Variants in MB21D2 observed in about 807,000 individuals in gnomAD.
MB21D2 encodes the protein Mab-21 domain containing 2.
MB21D2 carries 9 observed loss-of-function variants against 33.3 expected under a neutral mutation model. That is an observed-to-expected ratio of 0.27 (90% CI 0.16 to 0.47). The LOEUF is 0.47. MB21D2 is among the 20% of genes least tolerant of loss of function. MB21D2 has a pLI of 0.99. For missense variants in MB21D2, 540 were observed against 624.6 expected (o/e 0.86, Z 1.44); for synonymous variants, 241 against 236.3 (o/e 1.02, Z -0.18).
At chr3:192,858,106 C>T in intron 1 of MB21D2, among the ~76,000 whole-genome samples, 1 of 152,096 alleles carries the variant, frequency 6.6e-6, no homozygotes. Context: ...GCCTGGGCAA[C>T]AAGAGCAAAA....
intron 1 of MB21D2, among the ~76,000 whole-genome samples, chr3:192,883,176 T>G (rs963628270): frequency 2.6e-5 from 4 of 152,062 alleles, no homozygotes; most frequent in African/African-American, 4.8e-5. Context: ...CCTGACCAGT[T>G]TCATATCTAA....
intron 1 of MB21D2, among the ~76,000 whole-genome samples, chr3:192,843,705 T>C (rs1712621322): frequency 6.6e-6 from 1 of 152,202 alleles, no homozygotes; most frequent in Admixed American, 6.5e-5. Context: ...ATTCACTTTC[T>C]GGCTTTACCA....
At chr3:192,843,246 C>G (rs755362019) in intron 1 of MB21D2, among the ~76,000 whole-genome samples, 1 of 152,192 alleles carries the variant, frequency 6.6e-6, no homozygotes, top group Admixed American at 6.5e-5. Context: ...AAAGGATCCT[C>G]TGTCACTAAG....
intron 1 of MB21D2, among the ~76,000 whole-genome samples, chr3:192,816,801 C>G (rs1711936473): frequency 6.6e-6 from 1 of 152,028 alleles, no homozygotes; most frequent in Non-Finnish European, 1.5e-5. Context: ...GAATGTGGAC[C>G]TTAGCTTCAT....
chr3:192,849,421 G>A (rs558965355), intron 1 of MB21D2, among the ~76,000 whole-genome samples: 206 of 151,920 alleles, frequency 1.4e-3, no homozygotes, highest in African/African-American at 4.5e-3. Context: ...GGGTTCAAGC[G>A]ATTCTCCTGC....
Position 192,910,447 on chromosome 3 carries a change from C to G in MB21D2, c.211+7183G>C, listed in dbSNP as rs138452421. On this transcript the variant is annotated intron_variant, in intron 1 of 1. Transcript: ENST00000392452. ...GAGCCGTGATGGCATCATTGCACTC[C>G]AGCCTGGGCAACAGAGTGAGACCTG... Among the ~76,000 whole-genome samples the G allele has an allele frequency of 4.4e-3, 672 of 152,208 alleles. 4 individuals are homozygous for G. Among genetic ancestry groups the G allele is most frequent in the African/African-American group, 0.016 (647 of 41,526 alleles).
rs1213369019 is a variant in MB21D2 at position 192,898,171 on chromosome 3, C to CA, written c.211+19458dup. On this transcript the variant is annotated intron_variant, in intron 1 of 1. Coordinates refer to ENST00000392452, the MANE Select transcript of MB21D2 (RefSeq NM_178496.4). Reference sequence around the variant, plus strand: ...TAGCATTTTATAACTATTTATTTTTCAAAAAAAAAAACTGACAGCAAAAAT... The same window carrying CA: ...TAGCATTTTATAACTATTTATTTTTCAAAAAAAAAAAACTGACAGCAAAAAT... Among the ~76,000 whole-genome samples, 1,281 of 135,464 alleles carry CA rather than the reference C, an allele frequency of 9.5e-3. 7 individuals are homozygous for CA. The highest frequency in any genetic ancestry group is 0.013 in the Non-Finnish European group (820 of 62,396). 88.9% of individuals were successfully genotyped at this position (135,464 alleles called of 152,430 possible).
At chr3:192,861,834 A>T (rs1380301616) in intron 1 of MB21D2, among the ~76,000 whole-genome samples, 1 of 151,844 alleles carries the variant, frequency 6.6e-6, no homozygotes. Context: ...AAAAACATAG[A>T]CCCATTTCTA....
chr3:192,828,938 C>T (rs759455307), intron 1 of MB21D2, among the ~76,000 whole-genome samples: 15 of 151,466 alleles, frequency 9.9e-5, no homozygotes, highest in African/African-American at 1.5e-4. Context: ...CATAAGCCAA[C>T]GTGCCCGGCC....
At chr3:192,884,615 C>T (rs939080629) in intron 1 of MB21D2, among the ~76,000 whole-genome samples, 4 of 152,040 alleles carry the variant, frequency 2.6e-5, no homozygotes, top group Non-Finnish European at 2.9e-5. Flanking sequence ...GATCTGCCCG[C>T]CTTGGCCTCC....
Position 192,908,461 on chromosome 3 carries a change from C to T in MB21D2, c.211+9169G>A, listed in dbSNP as rs926735364. Among the ~76,000 whole-genome samples the T allele has an allele frequency of 8.6e-5, 13 of 150,362 alleles. No individual in the cohort carries two copies. The East Asian group carries it at 2.0e-3, about 23-fold the overall frequency. ...TCGCCCAGGCTGGAGTACAGTGACG[C>T]GATCTAGGCTCACTGCAAGCTCCGC... On this transcript the variant is annotated intron_variant, in intron 1 of 1. Transcript: ENST00000392452.
At chr3:192,890,780 G>C (rs573869958) in intron 1 of MB21D2, among the ~76,000 whole-genome samples, 1 of 151,968 alleles carries the variant, frequency 6.6e-6, no homozygotes. Flanking sequence ...ACGTCATAAC[G>C]ATCCTCCTCA....
intron 1 of MB21D2, among the ~76,000 whole-genome samples, chr3:192,843,621 T>C (rs2108626393): frequency 6.6e-6 from 1 of 152,262 alleles, no homozygotes; most frequent in East Asian, 1.9e-4. Context: ...AGTATGTACA[T>C]ATAAATAGCA....
chr3:192,846,345 C>G (rs1235066019), intron 1 of MB21D2, among the ~76,000 whole-genome samples: 1 of 152,094 alleles, frequency 6.6e-6, no homozygotes, highest in Non-Finnish European at 1.5e-5. Flanking sequence ...TACTATAGGC[C>G]AGGCTTGGAG....
chr3:192,846,177 C>A (rs1178541566), intron 1 of MB21D2, among the ~76,000 whole-genome samples: 1 of 152,130 alleles, frequency 6.6e-6, no homozygotes, highest in East Asian at 1.9e-4. Context: ...AGACTCTAAT[C>A]ACAGTCATTA....
At chr3:192,822,032 A>T (rs1159604098) in intron 1 of MB21D2, among the ~76,000 whole-genome samples, 1 of 152,186 alleles carries the variant, frequency 6.6e-6, no homozygotes, top group East Asian at 1.9e-4. Context: ...CATTATTTGA[A>T]ATATCTTTAC....
chr3:192,813,020 AAACAAGCTGATCAACGGGCT>A (rs1380320111), intron 1 of MB21D2, among the ~76,000 whole-genome samples: 1 of 152,156 alleles, frequency 6.6e-6, no homozygotes, highest in South Asian at 2.1e-4. Flanking sequence ...ATCTTTGGGG[AAACAAGCTGATCAACGGGCT>A]AAAATGTGAT....
chr3:192,856,422 T>C (rs146258039), intron 1 of MB21D2, among the ~76,000 whole-genome samples: 72 of 152,202 alleles, frequency 4.7e-4, no homozygotes, highest in African/African-American at 1.7e-3. Context: ...TAAGGAGAAA[T>C]AAGGAAACGG....
At chr3:192,877,533 C>G (rs1336675205) in intron 1 of MB21D2, among the ~76,000 whole-genome samples, 2 of 152,212 alleles carry the variant, frequency 1.3e-5, no homozygotes, top group Non-Finnish European at 2.9e-5. Flanking sequence ...AACTCATCCA[C>G]AATGGCCTCC....
Sources: gnomAD v4.1 joint callset for allele counts (sites outside exome capture counted in the v4.1 genomes callset) on GRCh38, gnomAD v4.1.1 for gene constraint, MANE v1.5 for transcripts, NCBI Gene and HGNC (gene_info 2026-07-23, HGNC 2026-07-21) for gene names.